Variants in BAZ1A observed in about 807,000 individuals in gnomAD.
BAZ1A encodes the protein bromodomain adjacent to zinc finger domain protein 1A.
Under a neutral mutation model 185.2 loss-of-function variants are expected in BAZ1A, and 50 were observed. The ratio of observed to expected loss-of-function variants is 0.27; its 90% CI spans 0.22 to 0.34. The LOEUF is 0.34. BAZ1A is among the 10% of genes least tolerant of loss of function. The pLI is 1.00. For missense variants in BAZ1A, 1,356 were observed against 1,839.9 expected, an observed-to-expected ratio of 0.74 and a Z score of 4.81; for synonymous variants, 571 against 615.6, an observed-to-expected ratio of 0.93 and a Z score of 1.07.
At chr14:34,792,681 G>T in intron 12 of BAZ1A, 94 bp downstream of exon 12, 1 of 1,365,186 alleles carries the variant, frequency 7.3e-7, no homozygotes. Flanking sequence ...TATTTTATAA[G>T]CATAAAAGCC....
chr14:34,810,899 A>G (rs376381442), intron 5 of BAZ1A, 36 bp downstream of exon 5: 47 of 1,412,694 alleles, frequency 3.3e-5, no homozygotes, highest in Non-Finnish European at 4.6e-5. Flanking sequence ...TAATTATTCT[A>G]CTTTAAACTA....
intron 3 of BAZ1A, among the ~76,000 whole-genome samples, chr14:34,832,183 T>C (rs1028472914): frequency 1.2e-4 from 11 of 88,990 alleles, no homozygotes; most frequent in South Asian, 5.2e-4. Flanking sequence ...TATATACATA[T>C]ATACATATAC....
intron 3 of BAZ1A, among the ~76,000 whole-genome samples, chr14:34,848,558 C>T (rs967598182): frequency 2.0e-5 from 3 of 152,070 alleles, no homozygotes; most frequent in Admixed American, 6.6e-5. Context: ...GCCAAAATCG[C>T]GCCACTCCAG....
intron 12 of BAZ1A, among the ~76,000 whole-genome samples, chr14:34,787,360 A>AG (rs1351022087): frequency 1.1e-4 from 15 of 139,928 alleles, no homozygotes; most frequent in African/African-American, 4.0e-4. Flanking sequence ...TCAAAAAAAA[A>AG]AAAAAAAAGA....
intron 6 of BAZ1A, among the ~76,000 whole-genome samples, chr14:34,804,866 A>C (rs1881769765): frequency 6.6e-6 from 1 of 152,208 alleles, no homozygotes; most frequent in Admixed American, 6.5e-5. Flanking sequence ...TCCTAACAGC[A>C]GTCTATGCTC....
chr14:34,870,832 C>A (rs535590484), intron 2 of BAZ1A, among the ~76,000 whole-genome samples: 4 of 152,312 alleles, frequency 2.6e-5, no homozygotes, highest in African/African-American at 9.6e-5. Flanking sequence ...AACTTGTTTC[C>A]TCACCTGTAA....
chr14:34,753,770 G>A, intron 26 of BAZ1A, 66 bp from the exon 27 acceptor site: 1 of 1,265,940 alleles, frequency 7.9e-7, no homozygotes, highest in Non-Finnish European at 1.0e-6. Flanking sequence ...TATAATTCTT[G>A]TATCATATCT....
chr14:34,758,680 C>G (rs1886376567), intron 25 of BAZ1A, 24 bp downstream of exon 25: 1 of 1,609,328 alleles, frequency 6.2e-7, no homozygotes, highest in Non-Finnish European at 8.5e-7. Context: ...TACAGGAATA[C>G]ATTTTATCAA....
At chr14:34,796,708 T>G in intron 9 of BAZ1A, among the ~76,000 whole-genome samples, 1 of 152,366 alleles carries the variant, frequency 6.6e-6, no homozygotes, top group East Asian at 1.9e-4. Context: ...GTAAGTATAC[T>G]TAATATGTTA....
intron 3 of BAZ1A, among the ~76,000 whole-genome samples, chr14:34,844,160 C>T (rs2042464452): frequency 7.0e-6 from 1 of 142,544 alleles, no homozygotes; most frequent in East Asian, 2.1e-4. Context: ...GAGCAGAGAT[C>T]GCGCCACTGC....
At chr14:34,847,384 A>G (rs567143550) in intron 3 of BAZ1A, among the ~76,000 whole-genome samples, 15 of 151,896 alleles carry the variant, frequency 9.9e-5, no homozygotes, top group South Asian at 4.2e-4. Flanking sequence ...AGGATTGAGA[A>G]AAAAAAAAGG....
chr14:34,873,215 C>T (rs988029112), intron 2 of BAZ1A, among the ~76,000 whole-genome samples: 2 of 152,170 alleles, frequency 1.3e-5, no homozygotes, highest in African/African-American at 4.8e-5. Flanking sequence ...CCAAAACCCT[C>T]CCTTGATCAA....
At chr14:34,843,658 T>C (rs931416640) in intron 3 of BAZ1A, among the ~76,000 whole-genome samples, 1 of 152,184 alleles carries the variant, frequency 6.6e-6, no homozygotes, top group African/African-American at 2.4e-5. Context: ...AGGTAACTAC[T>C]ACAACCACCA....
At chr14:34,801,232 G>A in intron 7 of BAZ1A, 39 bp from the exon 8 acceptor site, 2 of 1,454,926 alleles carry the variant, frequency 1.4e-6, no homozygotes, top group South Asian at 2.5e-5. Flanking sequence ...GGTTCTTATA[G>A]TAAGAATAAA....
chr14:34,842,130 A>G (rs2042424295), intron 3 of BAZ1A, among the ~76,000 whole-genome samples: 1 of 152,090 alleles, frequency 6.6e-6, no homozygotes, highest in Admixed American at 6.6e-5. Context: ...CCAGCACACA[A>G]TACTTACTGA....
intron 2 of BAZ1A, among the ~76,000 whole-genome samples, chr14:34,873,417 A>C (rs1475728057): frequency 1.3e-5 from 2 of 152,190 alleles, no homozygotes; most frequent in East Asian, 3.8e-4. Flanking sequence ...CAAGACGCTA[A>C]AACACACCCC....
intron 19 of BAZ1A, 134 bp from the exon 20 acceptor site, chr14:34,773,860 A>G: frequency 1.0e-6 from 1 of 974,776 alleles, no homozygotes; most frequent in Non-Finnish European, 1.5e-6. Flanking sequence ...GGTATCTAAA[A>G]ATAAGGTTAC....
At chr14:34,856,006 A>G (rs1446822614) in intron 3 of BAZ1A, among the ~76,000 whole-genome samples, 1 of 152,240 alleles carries the variant, frequency 6.6e-6, no homozygotes, top group East Asian at 1.9e-4. Flanking sequence ...CAGTATAACA[A>G]AGAGCTTAAT....
chr14:34,777,570 G>C (rs1879721499), intron 17 of BAZ1A, among the ~76,000 whole-genome samples: 1 of 151,632 alleles, frequency 6.6e-6, no homozygotes, highest in Non-Finnish European at 1.5e-5. Context: ...CTTGAACCCA[G>C]GAGGGGGAGG....
Sources: allele counts gnomAD v4.1 joint callset (sites outside exome capture counted in the v4.1 genomes callset), GRCh38; gene constraint gnomAD v4.1.1; transcripts MANE v1.5; gene names NCBI Gene and HGNC (gene_info 2026-07-23, HGNC 2026-07-21).